BIRC6: variants seen among roughly 807,000 people sequenced by gnomAD.
BIRC6 encodes dual E2 ubiquitin-conjugating enzyme/E3 ubiquitin-protein ligase BIRC6.
Under a neutral mutation model 503.3 loss-of-function variants are expected in BIRC6, and 98 were observed. The observed-to-expected ratio is 0.19, with a 90% CI of 0.17 to 0.23. The LOEUF (loss-of-function observed/expected upper bound fraction) is 0.23, where lower values mean the gene tolerates loss of function less well. BIRC6 is among the 10% of genes least tolerant of loss of function. The pLI, the probability that BIRC6 is intolerant of heterozygous loss-of-function variation, is 1.00. For missense variants in BIRC6, 5,360 were observed against 5,806.0 expected (o/e 0.92, Z 2.50); for synonymous variants, 2,240 against 2,078.7 (o/e 1.08, Z -2.11).
rs772537974 is a variant in BIRC6, at chr2:32,595,138, C to A, written c.13606C>A (p.Gln4536Lys). ...ATATGTGGCTGTTATGAAGAAATTA[C>A]AGTTTGGTAAGATGAAATTTTTGAT... ...EKYVAVMKKL[Q>K]FDTFEMVSED... is the part of the protein sequence containing the mutation. Residue 4536 changes from glutamine (Q) to lysine (K), a missense_variant, in exon 68 of 74, where the codon CAG (glutamine) becomes AAG (lysine). This residue lies in a region of BIRC6 where 477 missense variants were observed against 574.4 expected (regional missense o/e 0.83). Coordinates refer to ENST00000421745, the MANE Select transcript of BIRC6 (RefSeq NM_016252.4). 2 of 1,573,536 alleles carry A rather than the reference C, an allele frequency of 1.3e-6. No individual in the cohort carries two copies. Among genetic ancestry groups the A allele is most frequent in the Non-Finnish European group, 1.7e-6 (2 of 1,160,578 alleles).
At chr2:32,488,206 A>T (rs965047934) in intron 41 of BIRC6, among the ~76,000 whole-genome samples, 2 of 152,040 alleles carry the variant, frequency 1.3e-5, no homozygotes, top group African/African-American at 2.4e-5. Context: ...AACCAGGTGC[A>T]GTAGCACATG....
intron 9 of BIRC6, 114 bp downstream of exon 9, chr2:32,406,671 T>A: frequency 1.5e-6 from 1 of 673,708 alleles, no homozygotes; most frequent in Non-Finnish European, 2.5e-6. Flanking sequence ...AAATTTTTGC[T>A]AGTATACACA....
At chr2:32,504,662 A>T (rs1433600073) in intron 49 of BIRC6, among the ~76,000 whole-genome samples, 1 of 151,972 alleles carries the variant, frequency 6.6e-6, no homozygotes, top group Non-Finnish European at 1.5e-5. Context: ...GCGAGACTCC[A>T]TCTGAAAAAT....
At position 32,439,533 on chromosome 2, in the gene BIRC6, G is replaced by A. The variant is rs553119447; in HGVS notation, c.3657G>A (p.Ser1219=). 1.6e-5 allele frequency: 26 copies of A among 1,613,552 alleles called. No individual in the cohort carries two copies. Among genetic ancestry groups the A allele is most frequent in the East Asian group, 6.7e-5 (3 of 44,832 alleles). Residue 1219 remains serine (S), a synonymous_variant, in exon 16 of 74, where the codon TCG becomes TCA. Coordinates refer to ENST00000421745, the MANE Select transcript of BIRC6 (RefSeq NM_016252.4). The stretch of plus-strand genomic sequence containing the variant: ...GTATGGCAGGAGGAAAATATCGTTC[G>A]TTTTTAATCCATGTCAAGGCAGTGA... ...VKGMAGGKYR[S]FLIHVKAVNE... is the part of the protein sequence containing the mutation.
At chr2:32,556,513 A>G (rs1489383685) in intron 65 of BIRC6, among the ~76,000 whole-genome samples, 1 of 152,190 alleles carries the variant, frequency 6.6e-6, no homozygotes, top group East Asian at 1.9e-4. Context: ...CAGATTAGCC[A>G]TAACTCTCCA....
chr2:32,490,434 GTGACGC>G (rs2051551432), intron 43 of BIRC6, among the ~76,000 whole-genome samples: 1 of 152,114 alleles, frequency 6.6e-6, no homozygotes, highest in Non-Finnish European at 1.5e-5. Flanking sequence ...ACTTGGGAGG[GTGACGC>G]ACGAAAATCA....
chr2:32,443,729 T>C (rs1002565130), intron 20 of BIRC6, 141 bp downstream of exon 20: 9 of 671,970 alleles, frequency 1.3e-5, no homozygotes, highest in Non-Finnish European at 2.2e-5. Context: ...AAGGGATCGA[T>C]AGATTGTAGC....
chr2:32,426,357 C>G (rs1198311024), intron 10 of BIRC6, among the ~76,000 whole-genome samples: 1 of 152,178 alleles, frequency 6.6e-6, no homozygotes, highest in Admixed American at 6.5e-5. Context: ...AATCCCAGCA[C>G]TTTGGGAGGT....
intron 8 of BIRC6, among the ~76,000 whole-genome samples, chr2:32,405,556 C>A (rs749040945): frequency 6.6e-6 from 1 of 152,098 alleles, no homozygotes; most frequent in Non-Finnish European, 1.5e-5. Context: ...TTTGTAATCC[C>A]AGCACTTTGG....
At chr2:32,611,908 T>G (rs2062901990) in intron 73 of BIRC6, among the ~76,000 whole-genome samples, 1 of 152,158 alleles carries the variant, frequency 6.6e-6, no homozygotes, top group African/African-American at 2.4e-5. Context: ...TGGATTTCAT[T>G]CTGTTGTCCC....
In BIRC6 at chr2:32,401,483, T is replaced by C; in HGVS notation, c.1278T>C (p.Ile426=). ...KLMKVHLKFE[I]NAYDPAIVQQ... ...TTTAGGTGCACTTAAAGTTTGAAAT[T>C]AATGCCTATGATCCAGCAATTGTAC... Residue 426 remains isoleucine (I), a synonymous_variant, in exon 8 of 74, where the codon ATT becomes ATC. Coordinates refer to ENST00000421745, the MANE Select transcript of BIRC6 (RefSeq NM_016252.4). The C allele has an allele frequency of 6.2e-7, 1 of 1,613,906 alleles. No individual in the cohort carries two copies. The highest frequency in any genetic ancestry group is 8.5e-7 in the Non-Finnish European group (1 of 1,179,872).
At chr2:32,381,020 C>T (rs1002207139) in intron 3 of BIRC6, among the ~76,000 whole-genome samples, 1 of 152,058 alleles carries the variant, frequency 6.6e-6, no homozygotes, top group African/African-American at 2.4e-5. Flanking sequence ...TCAATTAAAT[C>T]CTTGGGTATA....
intron 66 of BIRC6, among the ~76,000 whole-genome samples, chr2:32,592,595 CT>C (rs111294235): frequency 1.1e-3 from 156 of 143,326 alleles, no homozygotes; most frequent in African/African-American, 1.3e-3. Context: ...GTTAAGGATT[CT>C]TTTTTTTTTT....
At position 32,599,759 on chromosome 2, in the gene BIRC6, G is replaced by A. The variant is rs144649481; in HGVS notation, c.13851G>A (p.Ala4617=). The change falls in exon 70 of 74, where the codon GCG becomes GCA. Residue 4617 remains alanine (A), a synonymous_variant. Transcript: ENST00000421745. ...TCCAGGTTCTAATAACTGGTCCAGC[G>A]GACACCCCTTATGCAAATGGCTGCT... ...DIMKVLITGP[A]DTPYANGCFE... 7.1e-5 allele frequency: 114 copies of A among 1,613,656 alleles called. No homozygotes were observed. Among genetic ancestry groups the A allele is most frequent in the African/African-American group, 5.2e-4 (39 of 74,980 alleles).
intron 65 of BIRC6, among the ~76,000 whole-genome samples, chr2:32,560,305 T>G (rs543733923): frequency 5.6e-4 from 85 of 152,348 alleles, no homozygotes; most frequent in Non-Finnish European, 6.6e-4. Context: ...CAATTTTATC[T>G]CTCACATTTT....
At chr2:32,578,356 T>TG (rs1348217489) in intron 66 of BIRC6, among the ~76,000 whole-genome samples, 1 of 152,186 alleles carries the variant, frequency 6.6e-6, no homozygotes, top group Non-Finnish European at 1.5e-5. Context: ...CCACCCCACC[T>TG]GTCTGCCTCA....
chr2:32,413,176 ATTTTTTTTT>A (rs766213127), intron 9 of BIRC6, among the ~76,000 whole-genome samples: 1 of 122,074 alleles, frequency 8.2e-6, no homozygotes, highest in Non-Finnish European at 1.7e-5. Context: ...TGCCCGGCTA[ATTTTTTTTT>A]TTTTTTTTTT....
chr2:32,579,447 G>A (rs2060515216), intron 66 of BIRC6, among the ~76,000 whole-genome samples: 1 of 152,064 alleles, frequency 6.6e-6, no homozygotes, highest in Non-Finnish European at 1.5e-5. Context: ...CAGCACTTTG[G>A]GAGGCTTAGG....
At chr2:32,521,683 T>A (rs371881899) in intron 57 of BIRC6, among the ~76,000 whole-genome samples, 1 of 151,726 alleles carries the variant, frequency 6.6e-6, no homozygotes, top group Admixed American at 6.6e-5. Flanking sequence ...TTTTGTCATA[T>A]TGGCCATGCT....
Sources: allele counts gnomAD v4.1 joint callset (sites outside exome capture counted in the v4.1 genomes callset), GRCh38; gene constraint gnomAD v4.1.1; regional missense constraint gnomAD v4.1.1; transcripts MANE v1.5; gene names NCBI Gene and HGNC (gene_info 2026-07-23, HGNC 2026-07-21).